Variants in GGA2 observed in about 807,000 individuals in gnomAD.
GGA2 encodes ADP-ribosylation factor-binding protein GGA2.
GGA2 carries 48 observed loss-of-function variants against 79.5 expected under a neutral mutation model. The ratio of observed to expected loss-of-function variants is 0.60; its 90% confidence interval spans 0.48 to 0.77. The LOEUF is 0.77. Among genes scored for constraint, GGA2 ranks in the 30% least tolerant of loss-of-function variants. The pLI, the probability that GGA2 is intolerant of heterozygous loss-of-function variation, is 0.00. For synonymous variants in GGA2, 317 were observed against 302.0 expected, an observed-to-expected ratio of 1.05 and a Z score of -0.51; for missense variants, 770 against 774.0, an observed-to-expected ratio of 0.99 and a Z score of 0.06.
rs761797819 is a variant in GGA2, at chr16:23,493,363, T to G, written c.348A>C (p.Pro116=). The G allele has an allele frequency of 5.1e-6, 8 of 1,583,720 alleles. No homozygotes were observed. The African/African-American group carries it at 1.1e-4, about 21-fold the overall frequency. Residue 116 remains proline (P), a synonymous_variant, in exon 4 of 17, where the codon CCA becomes CCC. Transcript: ENST00000309859. The part of the protein sequence containing the change: ...FLNELIKVLS[P]KYLGSWATGK... ...AGAGCCAAGCCCAGGTACTCACCTTTGGGGACAACACTTTGATCAGTTCGT... is the reference window on the plus strand; with the variant it reads ...AGAGCCAAGCCCAGGTACTCACCTTGGGGGACAACACTTTGATCAGTTCGT...
rs199872843 is a variant in GGA2, at chr16:23,479,781, C to A, written c.1113G>T (p.Gln371His). ...MGTVVPSLLH[Q>H]DLAALGISDA... ...TGCCCTCACCCAAGGCTGCCAGGTC[C>A]TGATGAAGCAAAGATGGCACCACAG... The change falls in exon 11 of 17, where the codon CAG (glutamine) becomes CAT (histidine). Residue 371 changes from glutamine to histidine, a missense_variant. By Grantham distance (24) the Gln-to-His change is conservative. Transcript: ENST00000309859. 18 of 1,614,002 alleles carry A rather than the reference C, an allele frequency of 1.1e-5. No homozygotes were observed. Among genetic ancestry groups the A allele is most frequent in the Non-Finnish European group, 1.4e-5 (17 of 1,180,010 alleles).
chr16:23,496,537 T>C (rs1394181946), intron 1 of GGA2, among the ~76,000 whole-genome samples: 4 of 151,950 alleles, frequency 2.6e-5, no homozygotes, highest in African/African-American at 9.7e-5. Context: ...TCATAAAACT[T>C]CCAGTGGCAG....
Position 23,480,520 on chromosome 16 carries a change from G to A in GGA2, c.1006+125C>T, listed in dbSNP as rs529708883. 9 of 788,374 alleles carry A rather than the reference G, an allele frequency of 1.1e-5. No individual in the cohort carries two copies. In the Middle Eastern group the frequency reaches 1.2e-3, roughly 103 times the overall value. 48.8% of individuals were successfully genotyped at this position (788,374 alleles called of 1,614,324 possible). A position where few individuals can be genotyped will look rare whatever the true frequency, so the allele number is the denominator to read the frequency against. On this transcript the variant is annotated intron_variant, in intron 10 of 16. Transcript: ENST00000309859. ...GCAACATATCCACTTTCACAGGAAG[G>A]GGAACAAAGGGCGAGTTCTCTCATT...
chr16:23,470,956 A>G (rs1270284979), intron 14 of GGA2, among the ~76,000 whole-genome samples: 1 of 147,832 alleles, frequency 6.8e-6, no homozygotes, highest in Non-Finnish European at 1.5e-5. Context: ...CAGCCTCCCT[A>G]GTAGCTGGGA....
In GGA2 at chr16:23,468,873, C is replaced by A; in HGVS notation, c.1731+13G>T. The A allele has an allele frequency of 6.5e-7, 1 of 1,527,122 alleles. No homozygotes were observed. Among genetic ancestry groups the A allele is most frequent in the Middle Eastern group, 1.7e-4 (1 of 5,892 alleles). 94.6% of individuals were successfully genotyped at this position (1,527,122 alleles called of 1,614,324 possible). ...GCCCCCATCTCCCTGCTACCACAGA[C>A]ACTGGAACATACTTTGTGTGGATTG... On this transcript the variant is annotated intron_variant, in intron 16 of 16. Coordinates refer to ENST00000309859, the MANE Select transcript of GGA2 (RefSeq NM_015044.4).
At position 23,467,595 on chromosome 16, in the gene GGA2, C is replaced by T; in HGVS notation, c.1837G>A (p.Ala613Thr). ...AGGGTCCATCTTGTGAAAAGTTAGG[C>T]TGCGCCCAAGACAGCCAGGTCTGGG... ...DFPDLAVLGA[A>T] The change falls in exon 17 of 17, where the codon GCC becomes ACC. Residue 613 changes from alanine to threonine, a missense_variant. Transcript: ENST00000309859. 1.3e-6 allele frequency: 2 copies of T among 1,523,900 alleles called. No homozygotes were observed. Among genetic ancestry groups the T allele is most frequent in the Non-Finnish European group, 9.1e-7 (1 of 1,098,678 alleles). The allele number at this position is 1,523,900 out of a possible 1,614,324, so 94.4% of individuals were successfully genotyped here.
At chr16:23,519,906 G>A (rs575558267) in intron 1 of GGA2, among the ~76,000 whole-genome samples, 1 of 152,268 alleles carries the variant, frequency 6.6e-6, no homozygotes, top group Non-Finnish European at 1.5e-5. Context: ...GAAAATAATG[G>A]TGATAGTTAC....
At chr16:23,523,035 G>A (rs1402231512), upstream of GGA2, 3 of 152,248 alleles carry the variant, frequency 2.0e-5, no homozygotes, top group Non-Finnish European at 2.9e-5. Flanking sequence ...CAGAAGCCAC[G>A]ATGTATTTTA....
chr16:23,483,488 C>G (rs1342183533), intron 8 of GGA2, among the ~76,000 whole-genome samples: 1 of 152,188 alleles, frequency 6.6e-6, no homozygotes, highest in East Asian at 1.9e-4. Flanking sequence ...GAGGCTGGCT[C>G]TCCTCCTGTG....
chr16:23,510,575 G>C (rs1243216224), upstream of GGA2: 1 of 388,098 alleles, frequency 2.6e-6, no homozygotes, highest in African/African-American at 2.1e-5. Context: ...CGCGGGACCG[G>C]CCGGAACATT....
At chr16:23,492,793 A>G (rs116586682) in intron 4 of GGA2, among the ~76,000 whole-genome samples, 1,664 of 152,338 alleles carry the variant, frequency 0.011, 24 homozygotes, top group African/African-American at 0.037. Context: ...TTGAGGACAC[A>G]TGAGACTCAC....
Position 23,466,140 on chromosome 16 carries a change from T to C in GGA2, c.*1450A>G, listed in dbSNP as rs1028930777. 2.6e-5 allele frequency: 4 copies of C among 152,202 alleles called. No individual in the cohort carries two copies. Among genetic ancestry groups the C allele is most frequent in the East Asian group, 3.8e-4 (2 of 5,204 alleles). The allele number at this position is 152,202 out of a possible 1,614,324, so 9.4% of individuals were successfully genotyped here. A position where few individuals can be genotyped will look rare whatever the true frequency, so the allele number is the denominator to read the frequency against. On this transcript the variant is annotated 3_prime_UTR_variant, in exon 17 of 17. Coordinates refer to ENST00000309859, the MANE Select transcript of GGA2 (RefSeq NM_015044.4). The stretch of plus-strand genomic sequence containing the variant: ...AGTATTGGCAGATTTCCACTATATG[T>C]AGAAGTCAAAAGATCAGACTGTAAA...
chr16:23,473,278 G>C (rs1964536625), intron 14 of GGA2, among the ~76,000 whole-genome samples: 1 of 143,564 alleles, frequency 7.0e-6, no homozygotes, highest in African/African-American at 2.5e-5. Flanking sequence ...AAGACATGAA[G>C]AGAATTTCCA....
chr16:23,501,885 G>A (rs1964925538), intron 1 of GGA2, among the ~76,000 whole-genome samples: 1 of 152,096 alleles, frequency 6.6e-6, no homozygotes, highest in Non-Finnish European at 1.5e-5. Context: ...GTTCCACTGG[G>A]TCCAGATGGC....
intron 15 of GGA2, 82 bp from the exon 16 acceptor site, chr16:23,469,078 C>A: frequency 1.2e-6 from 1 of 840,790 alleles, no homozygotes. Context: ...GGAGCTGGAC[C>A]TCCCCAACAC....
chr16:23,479,713 T>G lies in GGA2; in HGVS notation c.1129+52A>C, dbSNP rs370318665. The G allele has an allele frequency of 3.1e-6, 5 of 1,605,112 alleles. No homozygotes were observed. The African/African-American group carries it at 6.7e-5, about 21-fold the overall frequency. On this transcript the variant is annotated intron_variant, in intron 11 of 16. Transcript: ENST00000309859. ...TGCTCCGCGAAGGGAACCAGCTCAC[T>G]CCCCTACTCGCACCCATCCTGTGCC... is the stretch of plus-strand genomic sequence containing the variant.
At chr16:23,483,029 G>C in intron 8 of GGA2, 25 bp from the exon 9 acceptor site, 1 of 1,521,256 alleles carries the variant, frequency 6.6e-7, no homozygotes, top group Non-Finnish European at 9.1e-7. Flanking sequence ...CTTGGTTCAT[G>C]ACACACGCCC....
In GGA2 at chr16:23,465,098, G is replaced by C; in HGVS notation, c.*2492C>G. The C allele has an allele frequency of 1.8e-6, 1 of 566,900 alleles. No homozygotes were observed. The highest frequency in any genetic ancestry group is 2.9e-5 in the East Asian group (1 of 34,228). The allele number at this position is 566,900 out of a possible 1,614,324, so 35.1% of individuals were successfully genotyped here. On this transcript the variant is annotated 3_prime_UTR_variant, in exon 17 of 17. Coordinates refer to ENST00000309859, the MANE Select transcript of GGA2 (RefSeq NM_015044.4). Reference sequence around the variant, plus strand: ...CACATCATGAATTTGCTTCTCCCCAGAGGAAAAGAAGCTCCTTCAGGGTGG... The same window carrying C: ...CACATCATGAATTTGCTTCTCCCCACAGGAAAAGAAGCTCCTTCAGGGTGG...
Position 23,510,456 on chromosome 16 carries a change from A to C in GGA2, c.-45T>G. On this transcript the variant is annotated 5_prime_UTR_variant, in exon 1 of 17. Coordinates refer to ENST00000309859, the MANE Select transcript of GGA2 (RefSeq NM_015044.4). ...CGGCCGCGGGCGCCACTGCCTCTTC[A>C]GCCGCTGTAGCGTCCTGGCGCTCTC... The C allele has an allele frequency of 1.4e-6, 1 of 739,508 alleles. No homozygotes were observed. Among genetic ancestry groups the C allele is most frequent in the Non-Finnish European group, 1.9e-6 (1 of 523,174 alleles). 45.8% of individuals were successfully genotyped at this position (739,508 alleles called of 1,614,324 possible).
Sources: allele counts gnomAD v4.1 joint callset (sites outside exome capture counted in the v4.1 genomes callset), GRCh38; gene constraint gnomAD v4.1.1; transcripts MANE v1.5; gene names NCBI Gene and HGNC (gene_info 2026-07-23, HGNC 2026-07-21).